The following RNF157 variants were observed in gnomAD, a reference collection of about 807,000 sequenced individuals.
RNF157 encodes E3 ubiquitin ligase RNF157.
RNF157 carries 55 observed loss-of-function variants against 88.3 expected under a neutral mutation model. The ratio of observed to expected loss-of-function variants is 0.62; its 90% CI spans 0.50 to 0.78. The LOEUF (loss-of-function observed/expected upper bound fraction) is 0.78. Among genes scored for constraint, RNF157 ranks in the 30% least tolerant of loss-of-function variants. The probability of loss-of-function intolerance (pLI) is 0.00; values close to 1 mark genes in which losing one functional copy is unlikely to be tolerated. For synonymous variants in RNF157, 334 were observed against 341.2 expected, an observed-to-expected ratio of 0.98 and a Z score of 0.23; for missense variants, 788 against 860.8, an observed-to-expected ratio of 0.92 and a Z score of 1.06.
intron 1 of RNF157, among the ~76,000 whole-genome samples, chr17:76,230,927 G>C (rs1328923712): frequency 4.4e-5 from 6 of 135,840 alleles, no homozygotes; most frequent in Non-Finnish European, 7.7e-5. Flanking sequence ...TAGATTAAAA[G>C]ATTTAATCTT....
intron 18 of RNF157, among the ~76,000 whole-genome samples, chr17:76,151,356 G>A (rs1290921290): frequency 6.6e-6 from 1 of 152,254 alleles, no homozygotes; most frequent in Non-Finnish European, 1.5e-5. Context: ...GAGTGTGCTT[G>A]GACTGTGTCT....
chr17:76,206,317 T>A (rs1056224405), intron 2 of RNF157, among the ~76,000 whole-genome samples: 6 of 152,006 alleles, frequency 3.9e-5, no homozygotes, highest in Non-Finnish European at 8.8e-5. Flanking sequence ...GCAGTAATTA[T>A]CCCAACAAAA....
At chr17:76,231,429 AC>A (rs1417336850) in intron 1 of RNF157, among the ~76,000 whole-genome samples, 1 of 151,928 alleles carries the variant, frequency 6.6e-6, no homozygotes, top group Non-Finnish European at 1.5e-5. Context: ...TCAACTTTTT[AC>A]TGTCTTTTGA....
Position 76,159,438 on chromosome 17 carries a change from A to G in RNF157, c.1201T>C (p.Tyr401His). 6.2e-7 allele frequency: 1 copy of G among 1,613,356 alleles called. No homozygotes were observed. Among genetic ancestry groups the G allele is most frequent in the Non-Finnish European group, 8.5e-7 (1 of 1,179,778 alleles). The stretch of plus-strand genomic sequence containing the variant: ...GGGGGCAGGTGGCCATCACTGCCAT[A>G]TGAAGGGAGCATTCCTGAGAGGTGG... Reference protein sequence around the residue: ...DGHLSGMLPSYGSDGHLPPVR... With the variant: ...DGHLSGMLPSHGSDGHLPPVR... Residue 401 changes from tyrosine (Y) to histidine (H), a missense_variant, in exon 12 of 19, where the codon TAT (tyrosine) becomes CAT (histidine). Coordinates refer to ENST00000269391, the MANE Select transcript of RNF157 (RefSeq NM_052916.3).
At position 76,155,588 on chromosome 17, in the gene RNF157, T is replaced by C. The variant is rs775841441; in HGVS notation, c.1672A>G (p.Ser558Gly). The part of the protein sequence containing the change: ...GEALSSPQPA[S>G]RAPSEEGEGL... The stretch of plus-strand genomic sequence containing the variant: ...TCTCCTTCTTCTGAGGGGGCCCTGC[T>C]GGCAGGCTGGGGGGAAGAGAGAGCC... The change falls in exon 15 of 19, where the codon AGC becomes GGC. Residue 558 changes from serine to glycine, a missense_variant. By Grantham distance (56) the Ser-to-Gly change is moderately conservative. Transcript: ENST00000269391. 6.2e-7 allele frequency: 1 copy of C among 1,612,778 alleles called. No homozygotes were observed. Among genetic ancestry groups the C allele is most frequent in the Admixed American group, 1.7e-5 (1 of 59,428 alleles).
intron 7 of RNF157, 111 bp downstream of exon 7, chr17:76,165,391 T>A: frequency 9.0e-7 from 1 of 1,105,256 alleles, no homozygotes; most frequent in Non-Finnish European, 1.4e-6. Context: ...TTATAGCCTC[T>A]AAAGCCAGAC....
In RNF157 at chr17:76,216,912, C is replaced by T. The variant is rs192402061; in HGVS notation, c.89-4430G>A. 1.2e-3 allele frequency among the ~76,000 whole-genome samples: 181 copies of T among 151,242 alleles called. 2 individuals are homozygous for T. Among genetic ancestry groups the T allele is most frequent in the Non-Finnish European group, 1.3e-3 (91 of 67,714 alleles). On this transcript the variant is annotated intron_variant, in intron 1 of 18. Transcript: ENST00000269391. ...TGTCAAAAAAAAACAAAAACAAAAA[C>T]AAAAAACAAACAAACAAACAAAAAA...
At chr17:76,152,722 G>C in intron 17 of RNF157, 1 of 437,924 alleles carries the variant, frequency 2.3e-6, no homozygotes, top group Non-Finnish European at 4.2e-6. Context: ...CACTGAGGAG[G>C]GCTGTGGGAC....
rs147994869 is a variant in RNF157 at position 76,173,346 on chromosome 17, G to A, written c.296+356C>T. On this transcript the variant is annotated intron_variant, in intron 3 of 18. Transcript: ENST00000269391. Reference sequence around the variant, plus strand: ...TAAAATAAAGGATTTGATATTCTAAGTTCAAATTTCCCATTTTTACATTGG... The same window carrying A: ...TAAAATAAAGGATTTGATATTCTAAATTCAAATTTCCCATTTTTACATTGG... Among the ~76,000 whole-genome samples, 651 of 152,102 alleles carry A rather than the reference G, an allele frequency of 4.3e-3. 6 individuals are homozygous for A. Among genetic ancestry groups the A allele is most frequent in the African/African-American group, 0.015 (619 of 41,486 alleles).
In RNF157 at chr17:76,146,894, C is replaced by A; in HGVS notation, c.1922-1541G>T. 6.1e-6 allele frequency: 6 copies of A among 985,430 alleles called. No individual in the cohort carries two copies. Among genetic ancestry groups the A allele is most frequent in the Non-Finnish European group, 7.2e-6 (6 of 829,926 alleles). The allele number at this position is 985,430 out of a possible 1,614,324, so 61.0% of individuals were successfully genotyped here. On this transcript the variant is annotated intron_variant, in intron 18 of 18. Transcript: ENST00000269391. The surrounding 1 kb of genome is among the most constrained non-coding windows in gnomAD (Gnocchi z 4.2). ...TGTCCAGGGTCAGCCTCAGGCCAGC[C>A]CAGGACATGAAACCCTTTAATGGCA...
At chr17:76,237,758 G>A (rs1275243834) in intron 1 of RNF157, among the ~76,000 whole-genome samples, 1 of 152,046 alleles carries the variant, frequency 6.6e-6, no homozygotes, top group Non-Finnish European at 1.5e-5. Context: ...TTCAAGACCA[G>A]CCTGGGCAAC....
intron 2 of RNF157, among the ~76,000 whole-genome samples, chr17:76,191,935 C>G (rs547160950): frequency 6.6e-6 from 1 of 152,158 alleles, no homozygotes; most frequent in Non-Finnish European, 1.5e-5. Flanking sequence ...CTATTTGACT[C>G]GTAAGTCTTT....
intron 16 of RNF157, 141 bp downstream of exon 16, chr17:76,155,111 C>T: frequency 1.4e-6 from 1 of 726,014 alleles, no homozygotes; most frequent in African/African-American, 1.7e-5. Flanking sequence ...CCACATTCCA[C>T]TTCTCACTGA....
intron 2 of RNF157, among the ~76,000 whole-genome samples, chr17:76,182,257 C>T (rs16968696): frequency 0.19 from 29,133 of 152,126 alleles, 2,835 homozygotes; most frequent in Middle Eastern, 0.26. Flanking sequence ...CGTTTGCTGA[C>T]GAAGGCTCTG....
intron 2 of RNF157, among the ~76,000 whole-genome samples, chr17:76,205,065 G>A (rs2069656298): frequency 6.6e-6 from 1 of 151,290 alleles, no homozygotes; most frequent in African/African-American, 2.4e-5. Context: ...GGGATTAGAG[G>A]CGTGAGCCAC....
At position 76,162,418 on chromosome 17, in the gene RNF157, T is replaced by C. The variant is rs2068858733; in HGVS notation, c.792+134A>G. On this transcript the variant is annotated intron_variant, in intron 9 of 18. Transcript: ENST00000269391. Reference sequence around the variant, plus strand: ...GTGGTAAAAGCGTAATGATCTGAAATGAGGAACAAGAAAATACCCTTCTAA... The same window carrying C: ...GTGGTAAAAGCGTAATGATCTGAAACGAGGAACAAGAAAATACCCTTCTAA... 9 of 702,638 alleles carry C rather than the reference T, an allele frequency of 1.3e-5. No homozygotes were observed. The South Asian group carries it at 1.4e-4, about 11-fold the overall frequency. 43.5% of individuals were successfully genotyped at this position (702,638 alleles called of 1,614,324 possible).
chr17:76,181,629 G>A lies in RNF157; in HGVS notation c.208-7839C>T, dbSNP rs372671322. 5.3e-5 allele frequency among the ~76,000 whole-genome samples: 8 copies of A among 152,086 alleles called. No homozygotes were observed. The East Asian group carries it at 7.7e-4, about 15-fold the overall frequency. ...TTCACTAAATTGTTTTCAAAAAATGGTCGGGTGCGGTGGCTCACATCTAAT... is the reference window on the plus strand; with the variant it reads ...TTCACTAAATTGTTTTCAAAAAATGATCGGGTGCGGTGGCTCACATCTAAT... On this transcript the variant is annotated intron_variant, in intron 2 of 18. Coordinates refer to ENST00000269391, the MANE Select transcript of RNF157 (RefSeq NM_052916.3).
chr17:76,213,574 A>G (rs1264207170), intron 1 of RNF157, among the ~76,000 whole-genome samples: 1 of 151,926 alleles, frequency 6.6e-6, no homozygotes, highest in African/African-American at 2.4e-5. Context: ...CATCTCAAAA[A>G]AAAAAAAAAA....
intron 1 of RNF157, among the ~76,000 whole-genome samples, chr17:76,237,316 G>A (rs892947163): frequency 2.0e-5 from 3 of 152,202 alleles, no homozygotes; most frequent in East Asian, 1.9e-4. Context: ...GCTTCTTTCC[G>A]AAACAACTGT....
Sources: allele counts gnomAD v4.1 joint callset (sites outside exome capture counted in the v4.1 genomes callset), GRCh38; gene constraint gnomAD v4.1.1; non-coding constraint Gnocchi (gnomAD v3.1); transcripts MANE v1.5; gene names NCBI Gene and HGNC (gene_info 2026-07-23, HGNC 2026-07-21).